Variants in CDC42EP4 observed in about 807,000 individuals in gnomAD.
The protein encoded by CDC42EP4 is CDC42 effector protein (Rho GTPase binding) 4.
In CDC42EP4, 6 loss-of-function variants were observed where a neutral mutation model predicts 5.6. The observed-to-expected ratio is 1.07, with a 90% confidence interval of 0.59 to 2.12. The LOEUF (loss-of-function observed/expected upper bound fraction) is 2.12, where lower values mean the gene tolerates loss of function less well. Ranked by LOEUF, CDC42EP4 falls within the 30% of genes most tolerant of loss-of-function variation. The pLI is 0.00. For missense variants in CDC42EP4, 490 were observed against 508.6 expected, an observed-to-expected ratio of 0.96 and a Z score of 0.35; for synonymous variants, 230 against 224.2, an observed-to-expected ratio of 1.03 and a Z score of -0.23.
intron 1 of CDC42EP4, among the ~76,000 whole-genome samples, chr17:73,298,164 G>A (rs762298452): frequency 3.3e-5 from 5 of 151,972 alleles, no homozygotes; most frequent in Non-Finnish European, 7.4e-5. Flanking sequence ...CCTCTCTTGC[G>A]TGAAAATCTC....
rs35158994 is a variant in CDC42EP4 at position 73,296,980 on chromosome 17, CAAAAAA to C, written c.-112-10374_-112-10369del. 1.7e-4 allele frequency among the ~76,000 whole-genome samples: 3 copies of C among 18,140 alleles called. 1 individual carries two copies. The highest frequency in any genetic ancestry group is 3.0e-4 in the Non-Finnish European group (3 of 10,060). The allele number at this position is 18,140 out of a possible 152,430, so 11.9% of individuals were successfully genotyped here. A position where few individuals can be genotyped will look rare whatever the true frequency, so the allele number is the denominator to read the frequency against. ...TGGGCGAAAGAGCAAGACTCCGTCTCAAAAAAAAAAAAAAAAAAAAAAAATACACAA... is the reference window on the plus strand; with the variant it reads ...TGGGCGAAAGAGCAAGACTCCGTCTCAAAAAAAAAAAAAAAAAATACACAA... On this transcript the variant is annotated intron_variant, in intron 1 of 1. Coordinates refer to ENST00000335793, the MANE Select transcript of CDC42EP4 (RefSeq NM_012121.5).
At chr17:73,299,444 T>TAC (rs71154990) in intron 1 of CDC42EP4, among the ~76,000 whole-genome samples, 1,409 of 127,960 alleles carry the variant, frequency 0.011, 10 homozygotes, top group Middle Eastern at 0.031. Context: ...AAAAAAAAAA[T>TAC]ACACACACAC....
At position 73,298,497 on chromosome 17, in the gene CDC42EP4, C is replaced by T. The variant is rs187771629; in HGVS notation, c.-112-11885G>A. 2.9e-3 allele frequency among the ~76,000 whole-genome samples: 436 copies of T among 152,324 alleles called. 1 individual carries two copies. The highest frequency in any genetic ancestry group is 5.3e-3 in the Non-Finnish European group (363 of 68,024). On this transcript the variant is annotated intron_variant, in intron 1 of 1. Coordinates refer to ENST00000335793, the MANE Select transcript of CDC42EP4 (RefSeq NM_012121.5). ...CAGCCTCCCACATAACAGTGGGATC[C>T]TCTCAGAGAGATCCTGTGCAGGTGA...
At position 73,288,158 on chromosome 17, in the gene CDC42EP4, C is replaced by G. The variant is rs558703554; in HGVS notation, c.-112-1546G>C. Among the ~76,000 whole-genome samples, 7 of 152,312 alleles carry G rather than the reference C, an allele frequency of 4.6e-5. No individual in the cohort carries two copies. The East Asian group carries it at 1.4e-3, about 29-fold the overall frequency. On this transcript the variant is annotated intron_variant, in intron 1 of 1. Coordinates refer to ENST00000335793, the MANE Select transcript of CDC42EP4 (RefSeq NM_012121.5). ...TAGCCACCACCTGCCCCCCACGGCA[C>G]TTTGGGAGATGTCCCCTCTTCCAGC...
At position 73,285,728 on chromosome 17, in the gene CDC42EP4, G is replaced by T. The variant is rs143829711; in HGVS notation, c.773C>A (p.Ala258Glu). ...TITQAPPYAVAAPPLARQEGK... is the reference protein window; with the variant it reads ...TITQAPPYAVEAPPLARQEGK... ...TTCCTGCCTTGCCAGGGGAGGGGCC[G>T]CCACGGCGTACGGGGGAGCCTGGGT... Residue 258 changes from alanine (A) to glutamate (E), a missense_variant, in exon 2 of 2, where the codon GCG (alanine) becomes GAG (glutamate). Transcript: ENST00000335793. This position sits in a 1 kb window ranked among gnomAD's most constrained non-coding sequence, Gnocchi z 6.8. The T allele has an allele frequency of 1.9e-6, 3 of 1,576,774 alleles. No homozygotes were observed. Among genetic ancestry groups the T allele is most frequent in the Non-Finnish European group, 1.7e-6 (2 of 1,155,506 alleles).
intron 1 of CDC42EP4, among the ~76,000 whole-genome samples, chr17:73,291,771 T>A (rs1227814663): frequency 6.6e-6 from 1 of 152,128 alleles, no homozygotes; most frequent in African/African-American, 2.4e-5. Context: ...CAGCCCTCCC[T>A]AGCTCTCCTG....
At chr17:73,288,557 G>T (rs1568340579) in intron 1 of CDC42EP4, among the ~76,000 whole-genome samples, 1 of 151,950 alleles carries the variant, frequency 6.6e-6, no homozygotes, top group African/African-American at 2.4e-5. Context: ...GTGAGCCACC[G>T]CGCCTGGTCC....
rs759359075 is a variant in CDC42EP4 at position 73,285,438 on chromosome 17, G to C, written c.1063C>G (p.Arg355Gly). The change falls in exon 2 of 2, where the codon CGT becomes GGT. Residue 355 changes from arginine (R) to glycine (G), a missense_variant. Coordinates refer to ENST00000335793, the MANE Select transcript of CDC42EP4 (RefSeq NM_012121.5). This position sits in a 1 kb window ranked among gnomAD's most constrained non-coding sequence, Gnocchi z 6.8. ...FMDEEEEDEI[R>G]V is the part of the protein sequence containing the mutation. ...GCCACCCACTGTCCGCCTCACACAC[G>C]GATTTCATCCTCCTCCTCCTCATCC... 7.1e-6 allele frequency: 11 copies of C among 1,549,276 alleles called. No individual in the cohort carries two copies. Among genetic ancestry groups the C allele is most frequent in the Middle Eastern group, 1.7e-4 (1 of 5,772 alleles).
At chr17:73,287,457 C>G (rs1429124230) in intron 1 of CDC42EP4, among the ~76,000 whole-genome samples, 1 of 152,192 alleles carries the variant, frequency 6.6e-6, no homozygotes, top group Non-Finnish European at 1.5e-5. Context: ...GATCTGCAGA[C>G]TGATTCCTAG....
chr17:73,305,014 G>T (rs1032775785), intron 1 of CDC42EP4, among the ~76,000 whole-genome samples: 2 of 152,184 alleles, frequency 1.3e-5, no homozygotes, highest in African/African-American at 4.8e-5. Flanking sequence ...CAGGCCAGGG[G>T]AGAAGCAGGT....
chr17:73,297,001 A>AAAAAAAAACAAAC, intron 1 of CDC42EP4, among the ~76,000 whole-genome samples: 1 of 61,734 alleles, frequency 1.6e-5, no homozygotes, highest in Non-Finnish European at 3.3e-5. Flanking sequence ...AAAAAAAAAA[A>AAAAAAAAACAAAC]AAATACACAA....
chr17:73,301,871 G>A (rs1416358995), intron 1 of CDC42EP4, among the ~76,000 whole-genome samples: 1 of 152,178 alleles, frequency 6.6e-6, no homozygotes, highest in Non-Finnish European at 1.5e-5. Flanking sequence ...TGCATTTTTA[G>A]TAGAGATGGG....
intron 1 of CDC42EP4, chr17:73,310,820 T>A (rs1429290840): frequency 6.6e-6 from 1 of 152,038 alleles, no homozygotes; most frequent in Non-Finnish European, 1.4e-5. Flanking sequence ...CCCAGGAAGC[T>A]GGCTCAGCCT....
chr17:73,296,476 T>C (rs1475851793), intron 1 of CDC42EP4, among the ~76,000 whole-genome samples: 1 of 148,966 alleles, frequency 6.7e-6, no homozygotes, highest in Non-Finnish European at 1.5e-5. Flanking sequence ...GATGGAGGAA[T>C]GGAATGGCTA....
At chr17:73,297,287 T>C (rs1695348318) in intron 1 of CDC42EP4, among the ~76,000 whole-genome samples, 1 of 115,762 alleles carries the variant, frequency 8.6e-6, no homozygotes, top group South Asian at 2.9e-4. Context: ...AGAGCAAGAC[T>C]TCGTCTCCAA....
intron 1 of CDC42EP4, chr17:73,310,769 A>ACACACACACACACACACACACGCACT: frequency 6.5e-6 from 1 of 152,870 alleles, no homozygotes; most frequent in African/African-American, 2.4e-5. Context: ...ACACACACAC[A>ACACACACACACACACACACACGCACT]CACACACACA....
At chr17:73,307,649 T>C (rs2062251063) in intron 1 of CDC42EP4, among the ~76,000 whole-genome samples, 1 of 151,774 alleles carries the variant, frequency 6.6e-6, no homozygotes, top group South Asian at 2.1e-4. Context: ...AGGGTTTCAC[T>C]GTGTTAGTCA....
chr17:73,288,335 G>A (rs200691677), intron 1 of CDC42EP4, among the ~76,000 whole-genome samples: 2 of 152,180 alleles, frequency 1.3e-5, no homozygotes, highest in Non-Finnish European at 2.9e-5. Flanking sequence ...TCTGCCTCCC[G>A]GGTTCTAGCG....
At chr17:73,289,064 T>G (rs183276242) in intron 1 of CDC42EP4, among the ~76,000 whole-genome samples, 135 of 152,302 alleles carry the variant, frequency 8.9e-4, no homozygotes, top group African/African-American at 3.0e-3. Flanking sequence ...CTGCCCCACC[T>G]CAACCTCTAA....
Sources: gnomAD v4.1 joint callset for allele counts (sites outside exome capture counted in the v4.1 genomes callset) on GRCh38, gnomAD v4.1.1 for gene constraint, Gnocchi (gnomAD v3.1) non-coding constraint, MANE v1.5 for transcripts, NCBI Gene and HGNC (gene_info 2026-07-23, HGNC 2026-07-21) for gene names.